The following FHIP1A variants were observed in gnomAD, a reference collection of about 807,000 sequenced individuals.
FHIP1A encodes FHF complex subunit HOOK interacting protein 1A.
Under a neutral mutation model 88.6 loss-of-function variants are expected in FHIP1A, and 61 were observed. The ratio of observed to expected loss-of-function variants is 0.69; its 90% CI spans 0.56 to 0.85. FHIP1A has a LOEUF of 0.85. Among genes scored for constraint, FHIP1A ranks in the 40% least tolerant of loss-of-function variants. The probability of loss-of-function intolerance (pLI) is 0.00; values close to 1 mark genes in which losing one functional copy is unlikely to be tolerated. For synonymous variants in FHIP1A, 478 were observed against 496.0 expected, an observed-to-expected ratio of 0.96 and a Z score of 0.48; for missense variants, 1,154 against 1,273.5, an observed-to-expected ratio of 0.91 and a Z score of 1.43.
chr4:151,528,542 G>T (rs905273027), intron 3 of FHIP1A, among the ~76,000 whole-genome samples: 2 of 152,232 alleles, frequency 1.3e-5, no homozygotes, highest in African/African-American at 4.8e-5. Context: ...GCTGGCATAG[G>T]ATTGGAGGCC....
intron 5 of FHIP1A, 81 bp downstream of exon 5, chr4:151,578,157 CT>C (rs1156271913): frequency 1.2e-5 from 15 of 1,286,080 alleles, no homozygotes; most frequent in Admixed American, 2.5e-5. Flanking sequence ...TTCTTACTCC[CT>C]TTTTTTCTCC....
At chr4:151,412,869 A>C (rs942554382) in intron 1 of FHIP1A, among the ~76,000 whole-genome samples, 1 of 151,312 alleles carries the variant, frequency 6.6e-6, no homozygotes, top group African/African-American at 2.4e-5. Flanking sequence ...TTTTAAGTAG[A>C]GATGGGGTTC....
intron 7 of FHIP1A, among the ~76,000 whole-genome samples, chr4:151,623,117 C>T (rs947342235): frequency 3.3e-5 from 5 of 152,164 alleles, no homozygotes; most frequent in Non-Finnish European, 5.9e-5. Flanking sequence ...GTTGCAGCAT[C>T]GGCCCATTGG....
intron 3 of FHIP1A, among the ~76,000 whole-genome samples, chr4:151,487,224 C>T (rs1304394951): frequency 1.3e-5 from 2 of 151,874 alleles, no homozygotes; most frequent in Non-Finnish European, 2.9e-5. Context: ...GGTATATTTT[C>T]CTCATCTCAA....
chr4:151,516,585 G>A (rs1477635487), intron 3 of FHIP1A, among the ~76,000 whole-genome samples: 1 of 151,966 alleles, frequency 6.6e-6, no homozygotes, highest in Non-Finnish European at 1.5e-5. Context: ...AATCTACAAT[G>A]AACTCAAACA....
In FHIP1A at chr4:151,586,787, T is replaced by C; in HGVS notation, c.879T>C (p.Asn293=). 6.5e-7 allele frequency: 1 copy of C among 1,550,320 alleles called. No individual in the cohort carries two copies. Among genetic ancestry groups the C allele is most frequent in the Non-Finnish European group, 8.7e-7 (1 of 1,145,914 alleles). Residue 293 remains asparagine, a synonymous_variant, in exon 6 of 14, where the codon AAT becomes AAC. Coordinates refer to ENST00000435205, the MANE Select transcript of FHIP1A (RefSeq NM_001109977.3). ...VQFMNSLEFC[N]AVIQVAHPLI... Reference sequence around the variant, plus strand: ...TCATGAACTCCCTGGAGTTTTGCAATGCAGTCATACAGGTACCAGAGCACA... The same window carrying C: ...TCATGAACTCCCTGGAGTTTTGCAACGCAGTCATACAGGTACCAGAGCACA...
At chr4:151,440,802 C>T (rs1728379787) in intron 1 of FHIP1A, among the ~76,000 whole-genome samples, 1 of 152,138 alleles carries the variant, frequency 6.6e-6, no homozygotes, top group South Asian at 2.1e-4. Context: ...CTTCCTCTGT[C>T]ATGTTAGTTC....
chr4:151,650,620 T>G, intron 11 of FHIP1A, 28 bp downstream of exon 11: 5 of 1,523,700 alleles, frequency 3.3e-6, no homozygotes, highest in Non-Finnish European at 4.4e-6. Context: ...CTTTGTGGTT[T>G]CTGCTTTCGA....
At chr4:151,488,864 C>T (rs1730177871) in intron 3 of FHIP1A, among the ~76,000 whole-genome samples, 1 of 152,202 alleles carries the variant, frequency 6.6e-6, no homozygotes, top group African/African-American at 2.4e-5. Flanking sequence ...CTGATTTCTA[C>T]CAATTCTACA....
Position 151,656,668 on chromosome 4 carries a change from C to T in FHIP1A, c.2731-92C>T, listed in dbSNP as rs1737252591. The T allele has an allele frequency of 7.4e-6, 10 of 1,351,438 alleles. No individual in the cohort carries two copies. Among genetic ancestry groups the T allele is most frequent in the South Asian group, 1.4e-5 (1 of 70,048 alleles). 83.7% of individuals were successfully genotyped at this position (1,351,438 alleles called of 1,614,324 possible). On this transcript the variant is annotated intron_variant, in intron 12 of 13. Transcript: ENST00000435205. The surrounding 1 kb of genome is among the most constrained non-coding windows in gnomAD (Gnocchi z 4.2). ...CAAATGTCTAACATCATAATAGTTC[C>T]CATAATGAGGGTGCTACCTGCAAGA...
At chr4:151,634,046 A>T (rs1013648803) in intron 8 of FHIP1A, among the ~76,000 whole-genome samples, 26 of 151,910 alleles carry the variant, frequency 1.7e-4, no homozygotes, top group African/African-American at 5.8e-4. Context: ...TGTCACCAAA[A>T]AACTGTTAGA....
intron 5 of FHIP1A, among the ~76,000 whole-genome samples, chr4:151,582,714 T>G (rs1734070405): frequency 6.6e-6 from 1 of 152,210 alleles, no homozygotes; most frequent in Admixed American, 6.5e-5. Context: ...AAAAATGGGT[T>G]AATGCTTAAT....
At chr4:151,420,603 A>G (rs1276443088) in intron 1 of FHIP1A, among the ~76,000 whole-genome samples, 1 of 152,164 alleles carries the variant, frequency 6.6e-6, no homozygotes, top group Non-Finnish European at 1.5e-5. Flanking sequence ...AAATTTTAGG[A>G]ATTTAGTCAT....
At chr4:151,526,866 C>T (rs1361690111) in intron 3 of FHIP1A, among the ~76,000 whole-genome samples, 13 of 150,740 alleles carry the variant, frequency 8.6e-5, no homozygotes, top group Admixed American at 2.0e-4. Context: ...CGGGCAGAGA[C>T]GCTCCTCACA....
intron 7 of FHIP1A, among the ~76,000 whole-genome samples, chr4:151,616,920 G>T (rs968626072): frequency 6.6e-6 from 1 of 151,820 alleles, no homozygotes; most frequent in African/African-American, 2.4e-5. Flanking sequence ...GCTAATTTTT[G>T]TATTTTTAGT....
intron 3 of FHIP1A, among the ~76,000 whole-genome samples, chr4:151,526,819 CG>C (rs1731678911): frequency 6.7e-6 from 1 of 150,054 alleles, no homozygotes; most frequent in Non-Finnish European, 1.5e-5. Flanking sequence ...GGGCGGTTGC[CG>C]GGCAGAGGGT....
At chr4:151,599,878 A>G (rs1450890852) in intron 7 of FHIP1A, among the ~76,000 whole-genome samples, 1 of 152,216 alleles carries the variant, frequency 6.6e-6, no homozygotes, top group East Asian at 1.9e-4. Context: ...CCTGGTGTAC[A>G]GAATATTCAG....
Position 151,577,927 on chromosome 4 carries a change from T to A in FHIP1A, c.583T>A (p.Phe195Ile). The change falls in exon 5 of 14, where the codon TTC becomes ATC. Residue 195 changes from phenylalanine (F) to isoleucine (I), a missense_variant. Coordinates refer to ENST00000435205, the MANE Select transcript of FHIP1A (RefSeq NM_001109977.3). ...HTSEDQGAAN[F>I]LIFSLLIPFI... ...TAGTGAAGACCAAGGCGCTGCCAACTTCCTCATCTTCTCCCTTCTGATTCC... is the reference window on the plus strand; with the variant it reads ...TAGTGAAGACCAAGGCGCTGCCAACATCCTCATCTTCTCCCTTCTGATTCC... 4 of 1,551,644 alleles carry A rather than the reference T, an allele frequency of 2.6e-6. No homozygotes were observed. The highest frequency in any genetic ancestry group is 3.5e-6 in the Non-Finnish European group (4 of 1,146,974).
rs1736921588 is a variant in FHIP1A, at chr4:151,649,528, T to C, written c.1487T>C (p.Leu496Pro). The C allele has an allele frequency of 2.6e-6, 4 of 1,551,574 alleles. No individual in the cohort carries two copies. Among genetic ancestry groups the C allele is most frequent in the Non-Finnish European group, 3.5e-6 (4 of 1,146,982 alleles). The change falls in exon 11 of 14, where the codon CTG (leucine) becomes CCG (proline). Residue 496 changes from leucine to proline, a missense_variant. Transcript: ENST00000435205. The part of the protein sequence containing the change: ...SACIVEYGKA[L>P]DISYLQYLWE... Reference sequence around the variant, plus strand: ...TGCATTGTGGAGTATGGGAAAGCCCTGGACATCAGCTACCTGCAGTACCTG... The same window carrying C: ...TGCATTGTGGAGTATGGGAAAGCCCCGGACATCAGCTACCTGCAGTACCTG...
Sources: gnomAD v4.1 joint callset for allele counts (sites outside exome capture counted in the v4.1 genomes callset) on GRCh38, gnomAD v4.1.1 for gene constraint, Gnocchi (gnomAD v3.1) non-coding constraint, MANE v1.5 for transcripts, NCBI Gene and HGNC (gene_info 2026-07-23, HGNC 2026-07-21) for gene names.